The following TET1 variants were observed in gnomAD, a reference collection of about 807,000 sequenced individuals.
TET1 encodes methylcytosine dioxygenase TET1.
TET1 carries 13 observed loss-of-function variants against 148.7 expected under a neutral mutation model. The observed-to-expected ratio is 0.09, with a 90% CI of 0.06 to 0.14. The LOEUF is 0.14. Ranked by LOEUF, TET1 falls within the 10% of genes least tolerant of loss-of-function variation. The pLI, the probability that TET1 is intolerant of heterozygous loss-of-function variation, is 1.00. For missense variants in TET1, 2,182 were observed against 2,553.8 expected (o/e 0.85, Z 3.14); for synonymous variants, 907 against 937.2 (o/e 0.97, Z 0.59).
chr10:68,680,681 T>A (rs1221110232), intron 8 of TET1, among the ~76,000 whole-genome samples: 3 of 152,240 alleles, frequency 2.0e-5, no homozygotes, highest in Non-Finnish European at 1.5e-5. Context: ...TGAAAAAATC[T>A]GATGTCTCTA....
In TET1 at chr10:68,596,461, A is replaced by AT. The variant is rs1271315551; in HGVS notation, c.1915-4512dup. On this transcript the variant is annotated intron_variant, in intron 2 of 11. Transcript: ENST00000373644. ...TGAATTATTTCATAGCTAATATTTA[A>AT]TTTTTTTTGTAGAGATGTGTCTCCG... 3.3e-5 allele frequency among the ~76,000 whole-genome samples: 5 copies of AT among 151,856 alleles called. 1 individual carries two copies. The highest frequency in any genetic ancestry group is 2.6e-4 in the Admixed American group (4 of 15,242).
intron 3 of TET1, among the ~76,000 whole-genome samples, chr10:68,629,367 A>AAAATAATAATAATAATT: frequency 6.6e-6 from 1 of 152,162 alleles, no homozygotes; most frequent in African/African-American, 2.4e-5. Context: ...CTCGTCTCAA[A>AAAATAATAATAATAATT]AAATAATAAT....
intron 3 of TET1, among the ~76,000 whole-genome samples, chr10:68,619,136 A>G (rs1054526546): frequency 6.6e-6 from 1 of 152,052 alleles, no homozygotes; most frequent in African/African-American, 2.4e-5. Flanking sequence ...TGCAGTCTTG[A>G]TAGTTTTGTG....
Position 68,632,945 on chromosome 10 carries a change from A to T in TET1, c.1969-11753A>T, listed in dbSNP as rs139708912. ...AGCATTTAAATGGTATTTGAATTTT[A>T]AAAAAAAAAGGACAGATCACCTGAG... On this transcript the variant is annotated intron_variant, in intron 3 of 11. Coordinates refer to ENST00000373644, the MANE Select transcript of TET1 (RefSeq NM_030625.3). Among the ~76,000 whole-genome samples, 668 of 144,172 alleles carry T rather than the reference A, an allele frequency of 4.6e-3. 5 individuals carry two copies. Among genetic ancestry groups the T allele is most frequent in the African/African-American group, 0.016 (599 of 36,472 alleles). The allele number at this position is 144,172 out of a possible 152,430, so 94.6% of individuals were successfully genotyped here. A position where few individuals can be genotyped will look rare whatever the true frequency, so the allele number is the denominator to read the frequency against.
At chr10:68,611,974 T>C (rs1259988405) in intron 3 of TET1, among the ~76,000 whole-genome samples, 3 of 152,086 alleles carry the variant, frequency 2.0e-5, no homozygotes, top group Non-Finnish European at 4.4e-5. Context: ...GTATATTCAC[T>C]TGATAGCCTT....
At position 68,634,063 on chromosome 10, in the gene TET1, T is replaced by C. The variant is rs374327165; in HGVS notation, c.1969-10635T>C. ...CTACACCTGGCTGATTTTTAAATTT[T>C]TTGTAGATACGGGGTTTCACCATGT... On this transcript the variant is annotated intron_variant, in intron 3 of 11. Transcript: ENST00000373644. Among the ~76,000 whole-genome samples the C allele has an allele frequency of 2.6e-5, 4 of 152,266 alleles. No individual in the cohort carries two copies. In the East Asian group the frequency reaches 5.8e-4, roughly 22 times the overall value.
At chr10:68,650,562 C>G (rs908349244) in intron 4 of TET1, among the ~76,000 whole-genome samples, 3 of 151,894 alleles carry the variant, frequency 2.0e-5, no homozygotes, top group Non-Finnish European at 4.4e-5. Context: ...ACCCAGGAGG[C>G]GAAGATTGCA....
Position 68,601,082 on chromosome 10 carries a change from A to G in TET1, c.1968+48A>G, listed in dbSNP as rs753851866. 11 of 1,529,490 alleles carry G rather than the reference A, an allele frequency of 7.2e-6. No homozygotes were observed. The Admixed American group carries it at 2.2e-4, about 31-fold the overall frequency. The allele number at this position is 1,529,490 out of a possible 1,614,324, so 94.7% of individuals were successfully genotyped here. ...ATATTTCATTATTTTTCCATTTCAT[A>G]TAGTATTTTTCTGCACTTGGGTATA... On this transcript the variant is annotated intron_variant, in intron 3 of 11. Transcript: ENST00000373644.
rs532924827 is a variant in TET1 at position 68,587,581 on chromosome 10, TCTTC to T, written c.1914+13333_1914+13336del. On this transcript the variant is annotated intron_variant, in intron 2 of 11. Transcript: ENST00000373644. ...AAAATCAAAATAGTGTTCTATTTTC[TCTTC>T]CTTTTTAAAGAACCAATAACCTTTA... 1.6e-3 allele frequency among the ~76,000 whole-genome samples: 240 copies of T among 152,366 alleles called. 1 individual carries two copies. Among genetic ancestry groups the T allele is most frequent in the African/African-American group, 5.5e-3 (230 of 41,590 alleles).
chr10:68,631,321 A>G (rs772534206), intron 3 of TET1, among the ~76,000 whole-genome samples: 3 of 152,162 alleles, frequency 2.0e-5, no homozygotes, highest in Non-Finnish European at 4.4e-5. Flanking sequence ...CGAAGAGTGC[A>G]TGTTAGACAG....
rs1176183467 is a variant in TET1, at chr10:68,646,176, G to A, written c.3447G>A (p.Lys1149=). ...AACAAAAGAACCCAACCCAGAAAAA[G>A]ACAAAATCCACCCCATCAAGAGATC... is the stretch of plus-strand genomic sequence containing the variant. The part of the protein sequence containing the change: ...LTKQKNPTQK[K]TKSTPSRDRR... The change falls in exon 4 of 12, where the codon AAG becomes AAA. Residue 1149 remains lysine, a synonymous_variant. Transcript: ENST00000373644. 6.2e-7 allele frequency: 1 copy of A among 1,613,200 alleles called. No individual in the cohort carries two copies. The highest frequency in any genetic ancestry group is 8.5e-7 in the Non-Finnish European group (1 of 1,179,908).
rs186701235 is a variant in TET1, at chr10:68,597,157, C to T, written c.1915-3824C>T. Among the ~76,000 whole-genome samples the T allele has an allele frequency of 1.4e-3, 205 of 151,396 alleles. 2 individuals are homozygous for T. The highest frequency in any genetic ancestry group is 4.7e-3 in the African/African-American group (195 of 41,160). On this transcript the variant is annotated intron_variant, in intron 2 of 11. Coordinates refer to ENST00000373644, the MANE Select transcript of TET1 (RefSeq NM_030625.3). ...CAAGTGATCCTCCTGCCTCAGTCTC[C>T]CGAGTAGTTGGGACTATAGGTGCAT...
chr10:68,669,741 C>G (rs2055247759), intron 7 of TET1, among the ~76,000 whole-genome samples: 1 of 151,604 alleles, frequency 6.6e-6, no homozygotes, highest in South Asian at 2.1e-4. Flanking sequence ...CCTCCGCCTC[C>G]TGGGTTCAAG....
At chr10:68,654,942 C>CCT (rs2055000143) in intron 6 of TET1, among the ~76,000 whole-genome samples, 1 of 152,264 alleles carries the variant, frequency 6.6e-6, no homozygotes, top group Admixed American at 6.5e-5. Context: ...TGGCTGGAGG[C>CCT]CTCAGTTCCT....
chr10:68,577,151 C>T (rs974414917), intron 2 of TET1, among the ~76,000 whole-genome samples: 61 of 152,142 alleles, frequency 4.0e-4, no homozygotes, highest in African/African-American at 1.5e-3. Flanking sequence ...ACCTCACGAT[C>T]CACCCGCCTT....
intron 4 of TET1, among the ~76,000 whole-genome samples, chr10:68,647,236 C>T (rs187772327): frequency 2.6e-5 from 4 of 152,194 alleles, no homozygotes; most frequent in East Asian, 1.9e-4. Flanking sequence ...AAGGTAAACC[C>T]GCTCAAGTGG....
chr10:68,564,772 G>A (rs2053588939), intron 1 of TET1, among the ~76,000 whole-genome samples: 1 of 152,176 alleles, frequency 6.6e-6, no homozygotes, highest in African/African-American at 2.4e-5. Context: ...TGTTTTGGGA[G>A]GCTGAGGCAG....
intron 3 of TET1, among the ~76,000 whole-genome samples, chr10:68,622,188 TCC>T (rs2054382075): frequency 9.0e-6 from 1 of 110,888 alleles, no homozygotes; most frequent in Non-Finnish European, 1.9e-5. Context: ...CTTCCTTCCT[TCC>T]TTCCTTCCTT....
At chr10:68,604,810 T>A (rs540678812) in intron 3 of TET1, among the ~76,000 whole-genome samples, 1 of 152,206 alleles carries the variant, frequency 6.6e-6, no homozygotes, top group Non-Finnish European at 1.5e-5. Context: ...CATAAGATGG[T>A]AACATTAGGC....
Sources: allele counts gnomAD v4.1 joint callset (sites outside exome capture counted in the v4.1 genomes callset), GRCh38; gene constraint gnomAD v4.1.1; transcripts MANE v1.5; gene names NCBI Gene and HGNC (gene_info 2026-07-23, HGNC 2026-07-21).